Variants in HEATR4 observed in about 807,000 individuals in gnomAD.
HEATR4 encodes the protein HEAT repeat containing 4.
A neutral mutation model predicts 108.8 loss-of-function variants in HEATR4; 95 were observed. The ratio of observed to expected loss-of-function variants is 0.87; its 90% CI spans 0.74 to 1.04. The LOEUF (loss-of-function observed/expected upper bound fraction) is 1.04. Among genes scored for constraint, HEATR4 ranks in the 50% least tolerant of loss-of-function variants. HEATR4 has a pLI of 0.00. For missense variants in HEATR4, 1,152 were observed against 1,253.8 expected (o/e 0.92, Z 1.23); for synonymous variants, 443 against 459.4 (o/e 0.96, Z 0.46).
At chr14:73,569,595 C>T in the HEATR4 span, 1 of 1,601,870 alleles carries the variant, frequency 6.2e-7, no homozygotes, top group Non-Finnish European at 8.5e-7. Flanking sequence ...CGCCGACACT[C>T]TTGGCGAGCT....
chr14:73,586,679 TG>T, the HEATR4 span, among the ~76,000 whole-genome samples: 3 of 146,224 alleles, frequency 2.1e-5, no homozygotes, highest in African/African-American at 7.7e-5. Flanking sequence ...CACTGCAGCC[TG>T]GGAGACACAG....
At position 73,540,031 on chromosome 14, in the gene HEATR4, G is replaced by T. The variant is rs542704013; in HGVS notation, c.-151-9787C>A. On this transcript the variant is annotated intron_variant, in intron 1 of 17. Coordinates refer to ENST00000553558, the MANE Select transcript of HEATR4 (RefSeq NM_001220484.1). ...ATGCTTATCCTTATTAATAATCAAA[G>T]AAATGCAAAATAAAACAACAGAGTA... Among the ~76,000 whole-genome samples the T allele has an allele frequency of 7.5e-4, 88 of 117,906 alleles. 4 individuals carry two copies. The highest frequency in any genetic ancestry group is 2.2e-3 in the African/African-American group (79 of 36,308). The allele number at this position is 117,906 out of a possible 152,430, so 77.4% of individuals were successfully genotyped here.
intron 9 of HEATR4, 105 bp downstream of exon 9, chr14:73,508,029 A>G: frequency 2.8e-6 from 3 of 1,090,862 alleles, no homozygotes; most frequent in Non-Finnish European, 4.1e-6. Flanking sequence ...TACAGGCATA[A>G]GCCACTGCCC....
the HEATR4 span, among the ~76,000 whole-genome samples, chr14:73,620,572 T>C: frequency 3.9e-5 from 6 of 151,938 alleles, no homozygotes; most frequent in Admixed American, 6.6e-5. Context: ...TCTGCCTCAT[T>C]CTTTTTTTTT....
At chr14:73,511,860 A>T in intron 7 of HEATR4, 146 bp downstream of exon 7, 1 of 810,124 alleles carries the variant, frequency 1.2e-6, no homozygotes, top group Non-Finnish European at 1.9e-6. Context: ...TATTGCTGAT[A>T]AGCATGTATA....
chr14:73,590,574 C>T, the HEATR4 span, among the ~76,000 whole-genome samples: 2 of 152,192 alleles, frequency 1.3e-5, no homozygotes, highest in African/African-American at 4.8e-5. Flanking sequence ...AAGCTCACGG[C>T]GGGGGCGGGG....
chr14:73,601,089 C>T, the HEATR4 span, among the ~76,000 whole-genome samples: 4 of 151,712 alleles, frequency 2.6e-5, no homozygotes, highest in South Asian at 2.1e-4. Context: ...TGCAGTAAGC[C>T]GAGATTGTAC....
rs869167008 is a variant in HEATR4 at position 73,535,469 on chromosome 14, C to CTTTTTTTTTTTTTTTTTTT, written c.-151-5244_-151-5226dup. On this transcript the variant is annotated intron_variant, in intron 1 of 17. Transcript: ENST00000553558. ...CCTTTTTCTTTTCTTTTTCTTCTTT[C>CTTTTTTTTTTTTTTTTTTT]TTTTTTTTTTTTTTTTTTTTTTTTT... Among the ~76,000 whole-genome samples the CTTTTTTTTTTTTTTTTTTT allele has an allele frequency of 4.2e-4, 7 of 16,534 alleles. 1 individual carries two copies. Among genetic ancestry groups the CTTTTTTTTTTTTTTTTTTT allele is most frequent in the Non-Finnish European group, 1.1e-3 (4 of 3,616 alleles). The allele number at this position is 16,534 out of a possible 152,430, so 10.8% of individuals were successfully genotyped here.
At chr14:73,488,192 G>C (rs756221653) in intron 17 of HEATR4, among the ~76,000 whole-genome samples, 2 of 152,188 alleles carry the variant, frequency 1.3e-5, no homozygotes, top group Non-Finnish European at 2.9e-5. Flanking sequence ...TTAGATGAGG[G>C]ACCTGGTGGG....
Position 73,530,838 on chromosome 14 carries a change from C to T in HEATR4, c.-151-594G>A, listed in dbSNP as rs61028119. ...TTTTTTTGTAGAGATAGAGTCTCAC[C>T]ATGTTGTTCAGGCTGGTCTTGAACT... On this transcript the variant is annotated intron_variant, in intron 1 of 17. Coordinates refer to ENST00000553558, the MANE Select transcript of HEATR4 (RefSeq NM_001220484.1). Among the ~76,000 whole-genome samples the T allele has an allele frequency of 5.0e-3, 383 of 76,764 alleles. 53 individuals are homozygous for T. The highest frequency in any genetic ancestry group is 6.6e-3 in the Non-Finnish European group (245 of 37,052). 50.4% of individuals were successfully genotyped at this position (76,764 alleles called of 152,430 possible).
chr14:73,566,905 G>A, the HEATR4 span, among the ~76,000 whole-genome samples: 7 of 152,160 alleles, frequency 4.6e-5, no homozygotes, highest in Non-Finnish European at 8.8e-5. Flanking sequence ...TGGGGTTCAC[G>A]CCATTCTCCT....
At chr14:73,510,033 T>C (rs1887142762) in intron 7 of HEATR4, among the ~76,000 whole-genome samples, 1 of 149,802 alleles carries the variant, frequency 6.7e-6, no homozygotes, top group African/African-American at 2.5e-5. Context: ...AGCTAATTTT[T>C]AGTATTCTTA....
intron 2 of HEATR4, among the ~76,000 whole-genome samples, chr14:73,526,665 C>T (rs11621061): frequency 0.15 from 22,378 of 152,190 alleles, 2,386 homozygotes; most frequent in Non-Finnish European, 0.22. Context: ...TGCTCCTAAG[C>T]TACATTTCCA....
chr14:73,491,615 C>T (rs1262053612), intron 17 of HEATR4: 1 of 1,547,276 alleles, frequency 6.5e-7, no homozygotes, highest in African/African-American at 1.4e-5. Context: ...CAGCAGCCGG[C>T]GGCGAGCGGC....
chr14:73,589,952 T>C, the HEATR4 span, among the ~76,000 whole-genome samples: 2 of 152,288 alleles, frequency 1.3e-5, no homozygotes, highest in East Asian at 3.9e-4. Flanking sequence ...CCTGGTGAGT[T>C]CGTGGTCTGG....
intron 7 of HEATR4, 90 bp downstream of exon 7, chr14:73,511,916 C>T (rs1280125765): frequency 2.0e-6 from 3 of 1,512,938 alleles, no homozygotes; most frequent in Non-Finnish European, 2.7e-6. Flanking sequence ...GTAAAATGAT[C>T]TCAGATAAGC....
At chr14:73,520,596 C>T in intron 4 of HEATR4, 1 of 367,118 alleles carries the variant, frequency 2.7e-6, no homozygotes. Context: ...GCCAACTTTA[C>T]AGTTCCACCC....
At chr14:73,481,332 G>C (rs1348586038) in intron 17 of HEATR4, among the ~76,000 whole-genome samples, 1 of 151,536 alleles carries the variant, frequency 6.6e-6, no homozygotes, top group African/African-American at 2.4e-5. Context: ...CCAGCTACTT[G>C]GGAGGCTGAG....
rs757345984 is a variant in HEATR4 at position 73,508,165 on chromosome 14, TAA to T, written c.1848_1849del (p.Ile618ProfsTer7). On this transcript the variant is annotated frameshift_variant, in exon 9 of 18. Transcript: ENST00000553558. LOFTEE classifies it high-confidence loss of function. ...CTCACTCAGATAGCTCAGGAGGATA[TAA>T]GACTGTTCCTCAGTGTCCTCATTCT... The T allele has an allele frequency of 1.2e-6, 2 of 1,614,146 alleles. No individual in the cohort carries two copies. Among genetic ancestry groups the T allele is most frequent in the East Asian group, 4.5e-5 (2 of 44,888 alleles).
Sources: gnomAD v4.1 joint callset for allele counts (sites outside exome capture counted in the v4.1 genomes callset) on GRCh38, gnomAD v4.1.1 for gene constraint, MANE v1.5 for transcripts, NCBI Gene and HGNC (gene_info 2026-07-23, HGNC 2026-07-21) for gene names.